INPP4B: variants seen among roughly 807,000 people sequenced by gnomAD.
INPP4B encodes the protein inositol polyphosphate-4-phosphatase type II B.
In INPP4B, 55 loss-of-function variants were observed where a neutral mutation model predicts 122.5. The ratio of observed to expected loss-of-function variants is 0.45; its 90% CI spans 0.36 to 0.56. The LOEUF is 0.56. Ranked by LOEUF, INPP4B falls within the 20% of genes least tolerant of loss-of-function variation. The pLI is 0.00. For synonymous variants in INPP4B, 403 were observed against 388.7 expected, an observed-to-expected ratio of 1.04 and a Z score of -0.43; for missense variants, 1,000 against 1,097.7, an observed-to-expected ratio of 0.91 and a Z score of 1.26.
intron 12 of INPP4B, among the ~76,000 whole-genome samples, chr4:142,230,291 T>A (rs1230040094): frequency 6.6e-6 from 1 of 151,982 alleles, no homozygotes; most frequent in Non-Finnish European, 1.5e-5. Flanking sequence ...AGAGTGATGG[T>A]CACAGGAAAC....
At chr4:142,696,622 C>T (rs1761065195) in intron 2 of INPP4B, among the ~76,000 whole-genome samples, 1 of 152,126 alleles carries the variant, frequency 6.6e-6, no homozygotes, top group Admixed American at 6.6e-5. Context: ...ATCTGCAGTG[C>T]CCACTCAACC....
intron 3 of INPP4B, among the ~76,000 whole-genome samples, chr4:142,436,578 C>A (rs958764361): frequency 6.6e-6 from 1 of 152,146 alleles, no homozygotes; most frequent in African/African-American, 2.4e-5. Flanking sequence ...TGTTCTCCAG[C>A]CTCCTCAAGT....
chr4:142,143,665 G>A, intron 18 of INPP4B, among the ~76,000 whole-genome samples: 1 of 151,828 alleles, frequency 6.6e-6, no homozygotes, highest in East Asian at 1.9e-4. Flanking sequence ...GGAGAGAGGG[G>A]GCAACTCTTC....
At chr4:142,457,382 T>G (rs932245706) in intron 3 of INPP4B, among the ~76,000 whole-genome samples, 1 of 152,106 alleles carries the variant, frequency 6.6e-6, no homozygotes, top group Non-Finnish European at 1.5e-5. Flanking sequence ...AAAACTTATA[T>G]GTGATCAGGA....
chr4:142,107,696 C>A (rs1014217040), intron 23 of INPP4B, among the ~76,000 whole-genome samples: 2 of 152,082 alleles, frequency 1.3e-5, no homozygotes, highest in Non-Finnish European at 2.9e-5. Flanking sequence ...CTGATGTTCT[C>A]CTGCATGTGT....
intron 15 of INPP4B, among the ~76,000 whole-genome samples, chr4:142,175,637 C>T (rs986113980): frequency 6.6e-6 from 1 of 151,262 alleles, no homozygotes; most frequent in African/African-American, 2.4e-5. Context: ...AAAAAAATTG[C>T]AAGGAGGGGA....
intron 1 of INPP4B, among the ~76,000 whole-genome samples, chr4:142,748,334 A>AT (rs1302809629): frequency 6.6e-6 from 1 of 152,040 alleles, no homozygotes; most frequent in Non-Finnish European, 1.5e-5. Flanking sequence ...AAATGAAAAA[A>AT]GGAAGAGCAA....
At chr4:142,610,881 A>C (rs114692186) in intron 2 of INPP4B, among the ~76,000 whole-genome samples, 2 of 152,218 alleles carry the variant, frequency 1.3e-5, no homozygotes, top group African/African-American at 4.8e-5. Flanking sequence ...ACCAATTTTT[A>C]AATCTACTAG....
chr4:142,401,720 C>A (rs1394825930), intron 7 of INPP4B, among the ~76,000 whole-genome samples: 1 of 152,022 alleles, frequency 6.6e-6, no homozygotes, highest in Non-Finnish European at 1.5e-5. Flanking sequence ...AAAGATGAAA[C>A]AAGGGAACCA....
chr4:142,527,490 T>A (rs952328817), intron 2 of INPP4B, among the ~76,000 whole-genome samples: 1 of 152,112 alleles, frequency 6.6e-6, no homozygotes, highest in Non-Finnish European at 1.5e-5. Context: ...CTTGGACTAG[T>A]GGACAGTGAA....
At chr4:142,375,057 A>G (rs1479066205) in intron 7 of INPP4B, among the ~76,000 whole-genome samples, 2 of 151,606 alleles carry the variant, frequency 1.3e-5, no homozygotes, top group Admixed American at 6.6e-5. Flanking sequence ...TTTGCTACCC[A>G]TCTTATACGG....
chr4:142,509,743 T>C (rs1265948474), intron 2 of INPP4B, among the ~76,000 whole-genome samples: 3 of 152,186 alleles, frequency 2.0e-5, no homozygotes, highest in African/African-American at 7.2e-5. Flanking sequence ...CCTAAAACCA[T>C]GGACCAGTTA....
chr4:142,222,690 C>T (rs573324182), intron 12 of INPP4B, among the ~76,000 whole-genome samples: 34 of 152,216 alleles, frequency 2.2e-4, no homozygotes, highest in South Asian at 1.2e-3. Context: ...AGTATTATTC[C>T]GAAATCAGTG....
intron 2 of INPP4B, among the ~76,000 whole-genome samples, chr4:142,724,353 A>G (rs181829463): frequency 1.7e-4 from 26 of 152,268 alleles, no homozygotes; most frequent in African/African-American, 5.8e-4. Flanking sequence ...TCTAAAGCAC[A>G]TGGATCCCTG....
intron 2 of INPP4B, among the ~76,000 whole-genome samples, chr4:142,724,459 G>T (rs1288390207): frequency 6.6e-6 from 1 of 151,926 alleles, no homozygotes; most frequent in Non-Finnish European, 1.5e-5. Flanking sequence ...CACTTTTCTA[G>T]CATTTATCTC....
At chr4:142,363,338 A>AAT (rs927166227) in intron 7 of INPP4B, among the ~76,000 whole-genome samples, 2,149 of 150,940 alleles carry the variant, frequency 0.014, 43 homozygotes, top group African/African-American at 0.046. Flanking sequence ...CATATAAACA[A>AAT]ATATATATAT....
chr4:142,441,453 C>G (rs1392661450), intron 3 of INPP4B, among the ~76,000 whole-genome samples: 1 of 152,042 alleles, frequency 6.6e-6, no homozygotes, highest in Admixed American at 6.5e-5. Context: ...GAATTTTAGT[C>G]AAGGATAGTT....
intron 16 of INPP4B, among the ~76,000 whole-genome samples, chr4:142,169,640 A>G (rs554375279): frequency 1.3e-5 from 2 of 151,848 alleles, no homozygotes; most frequent in South Asian, 4.1e-4. Flanking sequence ...GGTTGAAAGA[A>G]CAGTAGGAAT....
intron 2 of INPP4B, among the ~76,000 whole-genome samples, chr4:142,701,559 G>C (rs1458166536): frequency 6.6e-6 from 1 of 150,782 alleles, no homozygotes; most frequent in Non-Finnish European, 1.5e-5. Flanking sequence ...CTTGGTAACA[G>C]TTTGGGCTTG....
Sources: allele counts gnomAD v4.1 joint callset (sites outside exome capture counted in the v4.1 genomes callset), GRCh38; gene constraint gnomAD v4.1.1; transcripts MANE v1.5; gene names NCBI Gene and HGNC (gene_info 2026-07-23, HGNC 2026-07-21).